Variants in CAMK2G observed in about 807,000 individuals in gnomAD.
The protein encoded by CAMK2G is calcium/calmodulin dependent protein kinase II gamma.
Under a neutral mutation model 88.7 loss-of-function variants are expected in CAMK2G, and 23 were observed. That is an observed-to-expected ratio of 0.26 (90% confidence interval 0.19 to 0.37). The LOEUF (loss-of-function observed/expected upper bound fraction) is 0.37. CAMK2G is among the 10% of genes least tolerant of loss of function. The pLI, the probability that CAMK2G is intolerant of heterozygous loss-of-function variation, is 1.00. For missense variants in CAMK2G, 476 were observed against 780.8 expected, an observed-to-expected ratio of 0.61 and a Z score of 4.65; for synonymous variants, 263 against 294.8, an observed-to-expected ratio of 0.89 and a Z score of 1.11.
At chr10:73,866,156 C>G (rs2095583137) in intron 2 of CAMK2G, among the ~76,000 whole-genome samples, 1 of 152,166 alleles carries the variant, frequency 6.6e-6, no homozygotes, top group Non-Finnish European at 1.5e-5. Flanking sequence ...AGAAACCCAA[C>G]CTCTCCCGCC....
At chr10:73,819,677 A>G (rs2087105972) in intron 18 of CAMK2G, 32 bp from the exon 19 acceptor site, 6 of 1,355,506 alleles carry the variant, frequency 4.4e-6, no homozygotes, top group African/African-American at 1.5e-5. Flanking sequence ...GGGCAGGGCA[A>G]GGCAGAGCAG....
chr10:73,814,852 T>C (rs2133001956), intron 22 of CAMK2G, 151 bp downstream of exon 22: 1 of 608,832 alleles, frequency 1.6e-6, no homozygotes, highest in East Asian at 2.8e-5. Context: ...TTTCCAAGCA[T>C]AACTTATTGC....
chr10:73,820,622 G>A (rs2088034131), intron 18 of CAMK2G, among the ~76,000 whole-genome samples: 3 of 139,568 alleles, frequency 2.1e-5, no homozygotes, highest in Non-Finnish European at 3.1e-5. Flanking sequence ...TCAGTCTCCC[G>A]AGTAGCTGGG....
At chr10:73,866,264 G>A (rs1240637377) in intron 2 of CAMK2G, among the ~76,000 whole-genome samples, 1 of 152,156 alleles carries the variant, frequency 6.6e-6, no homozygotes, top group Admixed American at 6.5e-5. Flanking sequence ...CAGAAAAGAG[G>A]AAGCAGATAG....
chr10:73,825,410 C>T (rs112051026), intron 15 of CAMK2G, 63 bp from the exon 16 acceptor site: 186 of 1,267,726 alleles, frequency 1.5e-4, no homozygotes, highest in Non-Finnish European at 2.0e-4. Context: ...AGGTTCAACT[C>T]CCAGACCTCC....
At chr10:73,863,060 A>C (rs910707082) in intron 2 of CAMK2G, among the ~76,000 whole-genome samples, 2 of 152,222 alleles carry the variant, frequency 1.3e-5, no homozygotes, top group Non-Finnish European at 2.9e-5. Flanking sequence ...GGGATTATGG[A>C]CTAGAAGAAA....
At chr10:73,819,986 C>A (rs2133278415) in intron 18 of CAMK2G, among the ~76,000 whole-genome samples, 1 of 152,324 alleles carries the variant, frequency 6.6e-6, no homozygotes, top group East Asian at 1.9e-4. Context: ...GACAGCGCCT[C>A]CTATGTTGCC....
At chr10:73,869,916 G>A (rs1183364983) in intron 2 of CAMK2G, among the ~76,000 whole-genome samples, 1 of 152,228 alleles carries the variant, frequency 6.6e-6, no homozygotes, top group Admixed American at 6.5e-5. Flanking sequence ...GAAGTTTCTT[G>A]TGATGCTGAT....
At chr10:73,872,308 C>T (rs1007996490) in intron 2 of CAMK2G, among the ~76,000 whole-genome samples, 2 of 152,184 alleles carry the variant, frequency 1.3e-5, no homozygotes, top group Non-Finnish European at 2.9e-5. Flanking sequence ...TCCTCAGACT[C>T]GGAGGCAGTG....
chr10:73,852,871 G>A, intron 4 of CAMK2G: 1 of 338,874 alleles, frequency 3.0e-6, no homozygotes, highest in Non-Finnish European at 5.4e-6. Flanking sequence ...GGATTTTTAA[G>A]GTCATGCAAA....
intron 21 of CAMK2G, 118 bp from the exon 22 acceptor site, chr10:73,815,365 T>G: frequency 1.5e-6 from 1 of 679,202 alleles, no homozygotes. Context: ...AATCTCCAAG[T>G]ACCGCCCCCC....
intron 2 of CAMK2G, among the ~76,000 whole-genome samples, chr10:73,866,890 C>T (rs570399470): frequency 1.6e-4 from 25 of 152,354 alleles, no homozygotes; most frequent in Middle Eastern, 3.4e-3. Context: ...CAGTGGGAAT[C>T]CCAAGCCACG....
intron 5 of CAMK2G, among the ~76,000 whole-genome samples, chr10:73,851,439 G>A (rs889416972): frequency 3.3e-5 from 5 of 152,152 alleles, no homozygotes; most frequent in African/African-American, 1.2e-4. Flanking sequence ...CGGCAAGGCT[G>A]GTCATGGTGG....
intron 18 of CAMK2G, among the ~76,000 whole-genome samples, chr10:73,820,492 ATTTTTTTTT>A (rs1166533591): frequency 5.9e-5 from 3 of 51,058 alleles, no homozygotes; most frequent in African/African-American, 2.7e-4. Context: ...ATATATATAT[ATTTTTTTTT>A]TTTTTTTTTT....
intron 15 of CAMK2G, 129 bp downstream of exon 15, chr10:73,827,960 C>A (rs1055567449): frequency 3.1e-5 from 26 of 825,994 alleles, no homozygotes; most frequent in Non-Finnish European, 5.1e-5. Flanking sequence ...ACAGGCCACA[C>A]CTGCCCACAC....
At position 73,824,025 on chromosome 10, in the gene CAMK2G, T is replaced by C. The variant is rs769164333; in HGVS notation, c.1200+15A>G. On this transcript the variant is annotated intron_variant, in intron 17 of 22. Coordinates refer to ENST00000423381, the MANE Select transcript of CAMK2G (RefSeq NM_001367534.1). ...CTGACCTGGAAAGCAGGAGGCAGGCTCAGGAGCCACTCACCTTGATCCCAT... is the reference window on the plus strand; with the variant it reads ...CTGACCTGGAAAGCAGGAGGCAGGCCCAGGAGCCACTCACCTTGATCCCAT... The C allele has an allele frequency of 3.7e-6, 6 of 1,609,774 alleles. No homozygotes were observed. In the South Asian group the frequency reaches 6.6e-5, roughly 18 times the overall value.
At chr10:73,826,261 C>T (rs972732717) in intron 15 of CAMK2G, among the ~76,000 whole-genome samples, 7 of 152,088 alleles carry the variant, frequency 4.6e-5, no homozygotes, top group Middle Eastern at 3.2e-3. Context: ...GGTGAAACCC[C>T]GTCTCTACTA....
intron 2 of CAMK2G, 41 bp downstream of exon 2, chr10:73,872,948 G>A: frequency 7.7e-7 from 1 of 1,306,866 alleles, no homozygotes; most frequent in Non-Finnish European, 1.1e-6. Context: ...CATGGCCCCT[G>A]GAGGCACCCT....
At chr10:73,851,452 T>C (rs550352037) in intron 5 of CAMK2G, among the ~76,000 whole-genome samples, 38 of 152,020 alleles carry the variant, frequency 2.5e-4, no homozygotes, top group Admixed American at 4.6e-4. Context: ...CATGGTGGTC[T>C]AGGGACAAGG....
Sources: allele counts gnomAD v4.1 joint callset (sites outside exome capture counted in the v4.1 genomes callset), GRCh38; gene constraint gnomAD v4.1.1; transcripts MANE v1.5; gene names NCBI Gene and HGNC (gene_info 2026-07-23, HGNC 2026-07-21).